SLC47A2: variants seen among roughly 807,000 people sequenced by gnomAD.
SLC47A2 encodes the protein solute carrier family 47 member 2, also known as multidrug and toxin extrusion protein 2.
A neutral mutation model predicts 67.7 loss-of-function variants in SLC47A2; 52 were observed. That is an observed-to-expected ratio of 0.77 (90% CI 0.61 to 0.97). The LOEUF is 0.97. SLC47A2 is among the 50% of genes least tolerant of loss of function. The pLI is 0.00. For synonymous variants in SLC47A2, 278 were observed against 292.9 expected (o/e 0.95, Z 0.52); for missense variants, 676 against 712.3 (o/e 0.95, Z 0.58).
chr17:19,716,977 C>T (rs2086284258), upstream of SLC47A2: 1 of 163,916 alleles, frequency 6.1e-6, no homozygotes, highest in Admixed American at 6.2e-5. Flanking sequence ...ACAGTGACTC[C>T]CGTTTTTCAG....
At chr17:19,679,002 G>T in intron 16 of SLC47A2, 96 bp from the exon 17 acceptor site, 1 of 990,478 alleles carries the variant, frequency 1.0e-6, no homozygotes, top group Non-Finnish European at 1.6e-6. Flanking sequence ...ACCTGGCTGT[G>T]TTTGTTACAC....
At chr17:19,706,847 C>A in intron 8 of SLC47A2, 86 bp from the exon 9 acceptor site, 1 of 1,003,718 alleles carries the variant, frequency 1.0e-6, no homozygotes, top group Non-Finnish European at 1.5e-6. Context: ...CCCCTAAACC[C>A]CTTTGGCTCT....
intron 16 of SLC47A2, 66 bp downstream of exon 16, chr17:19,679,886 G>A: frequency 6.6e-7 from 1 of 1,508,264 alleles, no homozygotes; most frequent in Non-Finnish European, 9.1e-7. Context: ...ACAGAGGGCA[G>A]ACAAGAGCAA....
At chr17:19,691,370 G>A (rs1392939147) in intron 13 of SLC47A2, among the ~76,000 whole-genome samples, 2 of 152,162 alleles carry the variant, frequency 1.3e-5, no homozygotes, top group Non-Finnish European at 2.9e-5. Flanking sequence ...ACAGATGAAT[G>A]GATGAAGAAA....
chr17:19,691,330 G>A (rs989310185), intron 13 of SLC47A2, among the ~76,000 whole-genome samples: 11 of 152,182 alleles, frequency 7.2e-5, no homozygotes, highest in Non-Finnish European at 1.5e-4. Flanking sequence ...CACAATAGCC[G>A]AGATTTGCAA....
chr17:19,711,330 G>T (rs573219376), intron 5 of SLC47A2, among the ~76,000 whole-genome samples: 1 of 150,822 alleles, frequency 6.6e-6, no homozygotes, highest in Non-Finnish European at 1.5e-5. Context: ...GGTGGCTCAC[G>T]CCTGTAATCC....
intron 13 of SLC47A2, among the ~76,000 whole-genome samples, chr17:19,693,088 G>A (rs1368818750): frequency 1.3e-5 from 2 of 151,892 alleles, no homozygotes; most frequent in South Asian, 2.1e-4. Flanking sequence ...CCCAGATTAC[G>A]CCACTGCACT....
Position 19,678,846 on chromosome 17 carries a change from A to G in SLC47A2, c.1541T>C (p.Val514Ala), listed in dbSNP as rs890426530. The change falls in exon 17 of 17, where the codon GTG becomes GCG. Residue 514 changes from valine to alanine, a missense_variant. Transcript: ENST00000433844. ...CTCCTCTGGAGTCCTGAAGAAGTCC[A>G]CGTGGCACTCAGACCTTGAATACGT... ...LTTYSRSECH[V>A]DFFRTPEEAH... The G allele has an allele frequency of 6.2e-7, 1 of 1,611,658 alleles. No homozygotes were observed. Among genetic ancestry groups the G allele is most frequent in the African/African-American group, 1.3e-5 (1 of 74,890 alleles).
chr17:19,697,372 G>C (rs2085687072), intron 13 of SLC47A2, among the ~76,000 whole-genome samples: 1 of 152,054 alleles, frequency 6.6e-6, no homozygotes, highest in Non-Finnish European at 1.5e-5. Context: ...GGAGACTGAG[G>C]CAGGAGGGTT....
rs558179358 is a variant in SLC47A2, at chr17:19,693,070, G to T, written c.1164+9535C>A. 5.9e-4 allele frequency among the ~76,000 whole-genome samples: 90 copies of T among 152,200 alleles called. 1 individual carries two copies. The highest frequency in any genetic ancestry group is 9.2e-4 in the Admixed American group (14 of 15,266). The stretch of plus-strand genomic sequence containing the variant: ...TGCTTGAACCCGGGAGGCAGAGATT[G>T]CAGTAAGCCCAGATTACGCCACTGC... On this transcript the variant is annotated intron_variant, in intron 13 of 16. Coordinates refer to ENST00000433844, the MANE Select transcript of SLC47A2 (RefSeq NM_001099646.3).
intron 13 of SLC47A2, 135 bp from the exon 14 acceptor site, chr17:19,681,805 A>G: frequency 9.0e-7 from 1 of 1,111,168 alleles, no homozygotes; most frequent in South Asian, 1.6e-5. Flanking sequence ...GGGTGCCCTT[A>G]TCTCCCTTTC....
In SLC47A2 at chr17:19,703,151, G is replaced by A. The variant is rs1276844956; in HGVS notation, c.1035C>T (p.Val345=). 1 of 1,614,078 alleles carries A rather than the reference G, an allele frequency of 6.2e-7. No individual in the cohort carries two copies. Among genetic ancestry groups the A allele is most frequent in the South Asian group, 1.1e-5 (1 of 91,078 alleles). ...TCAGGATGCTTATCAGGGTGCCCAGGACCAGGGAAATGCCAACTGGAAGAG... is the reference window on the plus strand; with the variant it reads ...TCAGGATGCTTATCAGGGTGCCCAGAACCAGGGAAATGCCAACTGGAAGAG... The part of the protein sequence containing the change: ...GVLSIVGISL[V]LGTLISILKN... Residue 345 remains valine, a synonymous_variant, in exon 12 of 17, where the codon GTC becomes GTT. Transcript: ENST00000433844.
chr17:19,689,612 A>G (rs1443086924), intron 13 of SLC47A2, among the ~76,000 whole-genome samples: 1 of 151,514 alleles, frequency 6.6e-6, no homozygotes, highest in Non-Finnish European at 1.5e-5. Context: ...TGAGAGGATC[A>G]CCTGAGCTCA....
intron 2 of SLC47A2, 112 bp from the exon 3 acceptor site, chr17:19,714,901 C>G: frequency 6.8e-7 from 1 of 1,475,412 alleles, no homozygotes; most frequent in South Asian, 1.1e-5. Flanking sequence ...GCAGCGGTGG[C>G]AGAGGCTCTG....
At chr17:19,702,229 A>G in intron 13 of SLC47A2, 1 of 985,320 alleles carries the variant, frequency 1.0e-6, no homozygotes, top group Non-Finnish European at 1.2e-6. Flanking sequence ...CCTTGTAGAA[A>G]TGTCCCTCTG....
At chr17:19,705,412 A>G (rs1834925293) in intron 10 of SLC47A2, 24 bp downstream of exon 10, 1 of 1,602,164 alleles carries the variant, frequency 6.2e-7, no homozygotes, top group African/African-American at 1.3e-5. Context: ...GGATGTGGGG[A>G]AGGCACCCCT....
At chr17:19,697,066 C>T (rs1276852005) in intron 13 of SLC47A2, among the ~76,000 whole-genome samples, 5 of 152,054 alleles carry the variant, frequency 3.3e-5, no homozygotes, top group Admixed American at 2.0e-4. Flanking sequence ...CTGAGGCGGG[C>T]GGATGACGAG....
chr17:19,702,724 C>A, intron 12 of SLC47A2, 50 bp from the exon 13 acceptor site: 1 of 1,583,046 alleles, frequency 6.3e-7, no homozygotes, highest in South Asian at 1.1e-5. Flanking sequence ...CCTTTGAGAC[C>A]CATTTATATC....
intron 13 of SLC47A2, among the ~76,000 whole-genome samples, chr17:19,698,137 A>G (rs1476029494): frequency 6.6e-6 from 1 of 152,190 alleles, no homozygotes; most frequent in African/African-American, 2.4e-5. Flanking sequence ...AAAAGACTCA[A>G]AACGCAACAT....
Sources: gnomAD v4.1 joint callset for allele counts (sites outside exome capture counted in the v4.1 genomes callset) on GRCh38, gnomAD v4.1.1 for gene constraint, MANE v1.5 for transcripts, NCBI Gene and HGNC (gene_info 2026-07-23, HGNC 2026-07-21) for gene names.